CPNE9: variants seen among roughly 807,000 people sequenced by gnomAD.
The protein encoded by CPNE9 is copine-9.
In CPNE9, 59 loss-of-function variants were observed where a neutral mutation model predicts 83.0. The ratio of observed to expected loss-of-function variants is 0.71; its 90% CI spans 0.58 to 0.88. The LOEUF is 0.88. CPNE9 is among the 40% of genes least tolerant of loss of function. The pLI, the probability that CPNE9 is intolerant of heterozygous loss-of-function variation, is 0.00. For synonymous variants in CPNE9, 256 were observed against 273.4 expected, an observed-to-expected ratio of 0.94 and a Z score of 0.63; for missense variants, 619 against 720.8, an observed-to-expected ratio of 0.86 and a Z score of 1.62.
chr3:9,716,040 G>C lies in CPNE9; in HGVS notation c.884+5G>C. Reference sequence around the variant, plus strand: ...TGTTGATTACATCAAGGGAGGGTGAGTCACAGGCCAAGCTCTGGGCTGAAA... The same window carrying C: ...TGTTGATTACATCAAGGGAGGGTGACTCACAGGCCAAGCTCTGGGCTGAAA... On this transcript the variant is annotated splice_donor_5th_base_variant and intron_variant, in intron 14 of 20. Coordinates refer to ENST00000383832, the MANE Select transcript of CPNE9 (RefSeq NM_153635.3). The C allele has an allele frequency of 6.2e-7, 1 of 1,607,082 alleles. No individual in the cohort carries two copies. The highest frequency in any genetic ancestry group is 8.5e-7 in the Non-Finnish European group (1 of 1,176,266).
chr3:9,705,360 G>A, intron 4 of CPNE9, 104 bp from the exon 5 acceptor site: 1 of 863,374 alleles, frequency 1.2e-6, no homozygotes, highest in Non-Finnish European at 1.8e-6. Context: ...GTCCACGGCC[G>A]CCCATCCCTC....
intron 17 of CPNE9, among the ~76,000 whole-genome samples, chr3:9,721,981 C>T (rs1284311027): frequency 1.3e-4 from 20 of 151,640 alleles, no homozygotes; most frequent in Non-Finnish European, 5.9e-5. Context: ...TGCAGTGGCA[C>T]GATCTCAGCT....
chr3:9,713,778 A>G (rs2076652007), intron 10 of CPNE9, among the ~76,000 whole-genome samples: 1 of 152,108 alleles, frequency 6.6e-6, no homozygotes, highest in African/African-American at 2.4e-5. Context: ...TAGTATAAAG[A>G]CAGATGGTAG....
At chr3:9,724,502 C>T (rs1011027288) in intron 17 of CPNE9, among the ~76,000 whole-genome samples, 1 of 152,154 alleles carries the variant, frequency 6.6e-6, no homozygotes, top group East Asian at 1.9e-4. Flanking sequence ...AATCCCTGAG[C>T]GGTCTAAGCT....
At chr3:9,726,424 T>A (rs1411522735) in intron 18 of CPNE9, among the ~76,000 whole-genome samples, 1 of 152,162 alleles carries the variant, frequency 6.6e-6, no homozygotes, top group Non-Finnish European at 1.5e-5. Context: ...AGACCTTTTT[T>A]TAAAACTATA....
chr3:9,712,477 C>A (rs1282707727), intron 7 of CPNE9, 64 bp from the exon 8 acceptor site: 11 of 1,341,498 alleles, frequency 8.2e-6, no homozygotes, highest in Non-Finnish European at 1.2e-5. Context: ...TAACCCCAGA[C>A]TGGCCACTCA....
At chr3:9,724,335 G>A (rs2076758257) in intron 17 of CPNE9, among the ~76,000 whole-genome samples, 1 of 152,158 alleles carries the variant, frequency 6.6e-6, no homozygotes, top group South Asian at 2.1e-4. Context: ...GATTGGCAGG[G>A]GGAGGACTGC....
chr3:9,711,540 A>G (rs1054173768), intron 7 of CPNE9, among the ~76,000 whole-genome samples: 1 of 152,182 alleles, frequency 6.6e-6, no homozygotes, highest in African/African-American at 2.4e-5. Context: ...ACCTATTCTC[A>G]TCACACTCCC....
chr3:9,704,027 G>C lies in CPNE9; in HGVS notation c.31G>C (p.Val11Leu). The change falls in exon 1 of 21, where the codon GTC becomes CTC. Residue 11 changes from valine to leucine, a missense_variant. Val to Leu is a conservative substitution (Grantham distance 32). This residue lies in a region of CPNE9 where 130 missense variants were observed against 117.5 expected (regional missense o/e 1.11). Coordinates refer to ENST00000383832, the MANE Select transcript of CPNE9 (RefSeq NM_153635.3). This position sits in a 1 kb window ranked among gnomAD's most constrained non-coding sequence, Gnocchi z 7.1. ...TCTCGGCGGAGCCTCCGAGCGCAGCGTCCCGGCCACCAAGATTGAAATTAC... is the reference window on the plus strand; with the variant it reads ...TCTCGGCGGAGCCTCCGAGCGCAGCCTCCCGGCCACCAAGATTGAAATTAC... MSLGGASERS[V>L]PATKIEITVS... The C allele has an allele frequency of 1.9e-6, 3 of 1,608,298 alleles. No individual in the cohort carries two copies. Among genetic ancestry groups the C allele is most frequent in the South Asian group, 1.1e-5 (1 of 90,182 alleles).
At chr3:9,722,164 C>CCA (rs1553691390) in intron 17 of CPNE9, among the ~76,000 whole-genome samples, 7 of 151,222 alleles carry the variant, frequency 4.6e-5, no homozygotes, top group African/African-American at 7.3e-5. Context: ...TGATCCACCC[C>CCA]CCCCCGCCAC....
chr3:9,712,934 G>A (rs1237384121), intron 9 of CPNE9, 41 bp from the exon 10 acceptor site: 1 of 1,583,888 alleles, frequency 6.3e-7, no homozygotes, highest in African/African-American at 1.3e-5. Flanking sequence ...CCTACCCCGG[G>A]CACGAGATAA....
At chr3:9,712,017 G>A (rs953005677) in intron 7 of CPNE9, among the ~76,000 whole-genome samples, 10 of 152,188 alleles carry the variant, frequency 6.6e-5, no homozygotes, top group African/African-American at 2.4e-4. Flanking sequence ...GCTCCCTGCG[G>A]GCAGTCTAGC....
At chr3:9,726,384 G>A (rs772092787) in intron 18 of CPNE9, among the ~76,000 whole-genome samples, 7 of 152,134 alleles carry the variant, frequency 4.6e-5, no homozygotes, top group Non-Finnish European at 1.0e-4. Flanking sequence ...CAGTAAGCAT[G>A]CTTGCCTTTT....
chr3:9,705,429 A>AACCCCC, intron 4 of CPNE9, 35 bp from the exon 5 acceptor site: 1 of 286,644 alleles, frequency 3.5e-6, no homozygotes, highest in Admixed American at 7.6e-5. Context: ...TCCCCCACCC[A>AACCCCC]GCCCCACCCC....
chr3:9,709,136 A>T (rs1052175234), intron 7 of CPNE9, among the ~76,000 whole-genome samples: 3 of 149,814 alleles, frequency 2.0e-5, no homozygotes, highest in Non-Finnish European at 4.4e-5. Flanking sequence ...CTTAGCTGGG[A>T]GTGGTGGCGC....
chr3:9,723,409 T>C (rs2076750658), intron 17 of CPNE9, among the ~76,000 whole-genome samples: 1 of 151,782 alleles, frequency 6.6e-6, no homozygotes, highest in Admixed American at 6.6e-5. Context: ...GAGGCAGAGG[T>C]TGCAGTGAGC....
At chr3:9,726,772 G>A (rs376206064) in intron 19 of CPNE9, 50 bp downstream of exon 19, 114 of 1,543,746 alleles carry the variant, frequency 7.4e-5, no homozygotes, top group Non-Finnish European at 9.3e-5. Flanking sequence ...AAGGAGAAAA[G>A]TGGGAGGGGG....
chr3:9,715,861 G>C (rs2076678589), intron 13 of CPNE9, 113 bp from the exon 14 acceptor site: 1 of 851,206 alleles, frequency 1.2e-6, no homozygotes, highest in African/African-American at 1.7e-5. Flanking sequence ...GGAGCGGGTG[G>C]AATCATGTGC....
intron 17 of CPNE9, among the ~76,000 whole-genome samples, chr3:9,725,689 C>T (rs56266470): frequency 0.36 from 35,831 of 99,364 alleles, 4,991 homozygotes; most frequent in African/African-American, 0.46. Context: ...TATATATATA[C>T]ATATATGTGT....
Sources: gnomAD v4.1 joint callset for allele counts (sites outside exome capture counted in the v4.1 genomes callset) on GRCh38, gnomAD v4.1.1 for gene constraint, gnomAD v4.1.1 regional missense constraint, Gnocchi (gnomAD v3.1) non-coding constraint, MANE v1.5 for transcripts, NCBI Gene and HGNC (gene_info 2026-07-23, HGNC 2026-07-21) for gene names.